The following PPP2R2B variants were observed in gnomAD, a reference collection of about 807,000 sequenced individuals.
The protein encoded by PPP2R2B is serine/threonine-protein phosphatase 2A 55 kDa regulatory subunit B beta isoform.
A neutral mutation model predicts 46.0 loss-of-function variants in PPP2R2B; 5 were observed. The observed-to-expected ratio is 0.11, with a 90% CI of 0.06 to 0.23. PPP2R2B has a LOEUF of 0.23. Among genes scored for constraint, PPP2R2B ranks in the 10% least tolerant of loss-of-function variants. The pLI is 1.00. For missense variants in PPP2R2B, 367 were observed against 575.0 expected (o/e 0.64, Z 3.70); for synonymous variants, 215 against 206.7 (o/e 1.04, Z -0.34).
At position 146,796,223 on chromosome 5, in the gene PPP2R2B, T is replaced by C. The variant is rs552882236; in HGVS notation, c.70+81779A>G. ...CCAATTGGGCAATGAAAAAAACCAA[T>C]GAGAATCTTCATGATAGGTCCACGT... On this transcript the variant is annotated intron_variant, in intron 2 of 9. Transcript: ENST00000394411. Among the ~76,000 whole-genome samples the C allele has an allele frequency of 9.8e-4, 149 of 152,140 alleles. 1 individual carries two copies. Among genetic ancestry groups the C allele is most frequent in the African/African-American group, 3.3e-3 (136 of 41,508 alleles).
intron 1 of PPP2R2B, among the ~76,000 whole-genome samples, chr5:146,986,376 C>A (rs546702491): frequency 9.2e-5 from 14 of 152,178 alleles, no homozygotes; most frequent in Non-Finnish European, 2.1e-4. Context: ...GAATCTGCTG[C>A]TGCAGCTGGA....
At chr5:146,841,113 T>G (rs1479632779) in intron 2 of PPP2R2B, among the ~76,000 whole-genome samples, 1 of 151,974 alleles carries the variant, frequency 6.6e-6, no homozygotes, top group Non-Finnish European at 1.5e-5. Flanking sequence ...TTGAAGCTTA[T>G]GGAGGATTAT....
intron 2 of PPP2R2B, among the ~76,000 whole-genome samples, chr5:146,829,696 G>C (rs1290228935): frequency 6.6e-6 from 1 of 152,192 alleles, no homozygotes; most frequent in Non-Finnish European, 1.5e-5. Context: ...GTTTCATACA[G>C]GTGGGTAAGA....
chr5:146,745,680 G>A (rs1194924401), intron 2 of PPP2R2B, among the ~76,000 whole-genome samples: 1 of 152,148 alleles, frequency 6.6e-6, no homozygotes, highest in Non-Finnish European at 1.5e-5. Flanking sequence ...TTGTCGGCCA[G>A]GTGTGGTGGT....
intron 2 of PPP2R2B, among the ~76,000 whole-genome samples, chr5:147,074,814 C>G (rs1280140800): frequency 1.3e-5 from 2 of 152,066 alleles, no homozygotes; most frequent in African/African-American, 2.4e-5. Context: ...ATGTTTTTCT[C>G]TCATTAGAAA....
At chr5:146,873,759 C>T (rs559609393) in intron 2 of PPP2R2B, among the ~76,000 whole-genome samples, 2 of 152,284 alleles carry the variant, frequency 1.3e-5, no homozygotes, top group East Asian at 1.9e-4. Context: ...TACAGGCATA[C>T]ACCACCATGG....
chr5:146,596,105 A>C (rs1771144007), intron 8 of PPP2R2B, among the ~76,000 whole-genome samples: 1 of 152,234 alleles, frequency 6.6e-6, no homozygotes, highest in African/African-American at 2.4e-5. Context: ...TGTGCATGGA[A>C]GCAGCCATAG....
intron 4 of PPP2R2B, among the ~76,000 whole-genome samples, chr5:146,695,729 A>G (rs1183124949): frequency 2.6e-5 from 4 of 152,318 alleles, no homozygotes; most frequent in South Asian, 4.1e-4. Flanking sequence ...TGGTTCTCTG[A>G]GTAGTTTATC....
intron 2 of PPP2R2B, among the ~76,000 whole-genome samples, chr5:146,803,718 T>A (rs1757003004): frequency 6.6e-6 from 1 of 152,178 alleles, no homozygotes; most frequent in African/African-American, 2.4e-5. Context: ...CAAGACCAAG[T>A]TAGGCATCCC....
intron 2 of PPP2R2B, among the ~76,000 whole-genome samples, chr5:146,848,270 G>A (rs1418776973): frequency 1.3e-5 from 2 of 152,132 alleles, no homozygotes; most frequent in African/African-American, 4.8e-5. Context: ...TCTTATGTTA[G>A]TGTGGTACGT....
At chr5:147,052,994 C>G (rs1012758843) in intron 1 of PPP2R2B, among the ~76,000 whole-genome samples, 3 of 151,726 alleles carry the variant, frequency 2.0e-5, no homozygotes, top group African/African-American at 4.8e-5. Flanking sequence ...TTAGATAATG[C>G]CTTTGATACA....
chr5:146,594,148 G>A (rs74995456), intron 8 of PPP2R2B, among the ~76,000 whole-genome samples: 8 of 152,332 alleles, frequency 5.3e-5, no homozygotes, highest in African/African-American at 1.7e-4. Context: ...ATGTGGAGCT[G>A]TCGAGTAGAC....
chr5:147,041,187 G>A (rs1364943077), intron 1 of PPP2R2B, among the ~76,000 whole-genome samples: 3 of 152,214 alleles, frequency 2.0e-5, no homozygotes, highest in African/African-American at 7.2e-5. Flanking sequence ...CAAGATGGTG[G>A]GCAGGATCTA....
At chr5:146,593,905 GA>G (rs1422010520) in intron 8 of PPP2R2B, among the ~76,000 whole-genome samples, 1 of 152,214 alleles carries the variant, frequency 6.6e-6, no homozygotes, top group Non-Finnish European at 1.5e-5. Flanking sequence ...CAAAGGGAGG[GA>G]GACCAGTTAT....
intron 2 of PPP2R2B, among the ~76,000 whole-genome samples, chr5:146,787,783 G>C (rs1280381397): frequency 2.6e-5 from 4 of 152,170 alleles, no homozygotes; most frequent in Non-Finnish European, 5.9e-5. Flanking sequence ...GGTCAGGCTA[G>C]TCTCGAACTC....
chr5:146,951,173 T>TTTTG (rs1346751046), intron 1 of PPP2R2B, among the ~76,000 whole-genome samples: 1 of 151,894 alleles, frequency 6.6e-6, no homozygotes, highest in African/African-American at 2.4e-5. Context: ...GGAATCTCTT[T>TTTTG]TTTGTTTGTT....
intron 2 of PPP2R2B, among the ~76,000 whole-genome samples, chr5:146,778,348 T>C (rs1755311067): frequency 6.6e-6 from 1 of 152,218 alleles, no homozygotes; most frequent in Admixed American, 6.5e-5. Flanking sequence ...CTAACCCTAA[T>C]TGTCTTCACA....
chr5:146,934,583 GA>G (rs3062352), intron 1 of PPP2R2B, among the ~76,000 whole-genome samples: 8,168 of 31,486 alleles, frequency 0.26, 147 homozygotes, highest in Non-Finnish European at 0.3. Context: ...TTTTTCATAA[GA>G]AAAAAAAAAA....
chr5:146,995,519 C>T (rs1753886189), intron 1 of PPP2R2B, among the ~76,000 whole-genome samples: 1 of 152,136 alleles, frequency 6.6e-6, no homozygotes, highest in South Asian at 2.1e-4. Flanking sequence ...TTTCTAAGTT[C>T]TCTGAAGCAA....
Sources: allele counts gnomAD v4.1 joint callset (sites outside exome capture counted in the v4.1 genomes callset), GRCh38; gene constraint gnomAD v4.1.1; transcripts MANE v1.5; gene names NCBI Gene and HGNC (gene_info 2026-07-23, HGNC 2026-07-21).